Variants in ATP11A observed in about 807,000 individuals in gnomAD.
ATP11A encodes ATPase phospholipid transporting 11A.
ATP11A carries 81 observed loss-of-function variants against 154.4 expected under a neutral mutation model. That is an observed-to-expected ratio of 0.52 (90% CI 0.44 to 0.63). ATP11A has a LOEUF of 0.63. ATP11A is among the 30% of genes least tolerant of loss of function. The probability of loss-of-function intolerance (pLI) is 0.00; values close to 1 mark genes in which losing one functional copy is unlikely to be tolerated. For missense variants in ATP11A, 1,316 were observed against 1,474.3 expected, an observed-to-expected ratio of 0.89 and a Z score of 1.76; for synonymous variants, 623 against 585.9, an observed-to-expected ratio of 1.06 and a Z score of -0.91.
At chr13:112,871,254 T>G (rs1378823313) in intron 25 of ATP11A, among the ~76,000 whole-genome samples, 2 of 152,260 alleles carry the variant, frequency 1.3e-5, no homozygotes, top group Non-Finnish European at 2.9e-5. Flanking sequence ...TGTGAGTTTG[T>G]TCCTGAAACC....
intron 1 of ATP11A, among the ~76,000 whole-genome samples, chr13:112,747,844 AAAAC>A (rs1240622922): frequency 2.1e-5 from 3 of 145,592 alleles, no homozygotes; most frequent in Non-Finnish European, 3.1e-5. Context: ...TCTCAAAAAA[AAAAC>A]AAAACAAAAC....
intron 25 of ATP11A, among the ~76,000 whole-genome samples, chr13:112,869,589 G>A (rs2080447345): frequency 2.0e-5 from 3 of 152,208 alleles, no homozygotes; most frequent in African/African-American, 7.2e-5. Context: ...TTCTGTGTTG[G>A]GATGGCCAAG....
intron 12 of ATP11A, among the ~76,000 whole-genome samples, chr13:112,828,833 A>G (rs2079016408): frequency 6.6e-6 from 1 of 152,184 alleles, no homozygotes; most frequent in Admixed American, 6.5e-5. Flanking sequence ...GGTTCATCTG[A>G]CCGCAGCTCT....
chr13:112,823,402 A>G lies in ATP11A; in HGVS notation c.783A>G (p.Lys261=), dbSNP rs778153151. Residue 261 remains lysine, a synonymous_variant, in exon 9 of 30, where the codon AAA becomes AAG. Transcript: ENST00000375645. Reference sequence around the variant, plus strand: ...GAGCTACACTGAAGAACACTGAGAAAATCTTTGGTAAATATTTAATTAATT... The same window carrying G: ...GAGCTACACTGAAGAACACTGAGAAGATCTTTGGTAAATATTTAATTAATT... ...LRGATLKNTE[K]IFGVAIYTGM... is the part of the protein sequence containing the mutation. 6.2e-7 allele frequency: 1 copy of G among 1,610,924 alleles called. No homozygotes were observed. Among genetic ancestry groups the G allele is most frequent in the African/African-American group, 1.3e-5 (1 of 74,946 alleles).
At chr13:112,756,981 C>T (rs536784442) in intron 1 of ATP11A, among the ~76,000 whole-genome samples, 2 of 152,364 alleles carry the variant, frequency 1.3e-5, no homozygotes, top group South Asian at 4.1e-4. Flanking sequence ...ACATCGTTTA[C>T]AAAATGATCA....
intron 1 of ATP11A, among the ~76,000 whole-genome samples, chr13:112,774,305 T>TA (rs1449992290): frequency 2.6e-5 from 4 of 152,202 alleles, no homozygotes; most frequent in African/African-American, 9.7e-5. Context: ...AAGCCAGGTG[T>TA]CTTACATCAA....
In ATP11A at chr13:112,860,428, A is replaced by T. The variant is rs754294456; in HGVS notation, c.2855+14A>T. On this transcript the variant is annotated intron_variant, in intron 24 of 29. Coordinates refer to ENST00000375645, the MANE Select transcript of ATP11A (RefSeq NM_015205.3). ...GACCCTGTACAGGTACCATCCTCCA[A>T]ACAGCCTCTCCTGAGAGCAGAGAGA... is the stretch of plus-strand genomic sequence containing the variant. 5 of 1,613,564 alleles carry T rather than the reference A, an allele frequency of 3.1e-6. No homozygotes were observed. The Admixed American group carries it at 6.7e-5, about 22-fold the overall frequency.
intron 13 of ATP11A, among the ~76,000 whole-genome samples, chr13:112,831,923 GCA>G (rs1290488796): frequency 3.0e-4 from 44 of 144,736 alleles, no homozygotes; most frequent in South Asian, 2.2e-4. Context: ...GACACTGTGT[GCA>G]CACACAGACA....
intron 1 of ATP11A, among the ~76,000 whole-genome samples, chr13:112,752,769 C>G (rs1184012208): frequency 1.3e-5 from 2 of 152,174 alleles, no homozygotes; most frequent in Non-Finnish European, 2.9e-5. Flanking sequence ...CCGCCGATAA[C>G]CACAGTGTCC....
chr13:112,791,656 G>C (rs968870653), intron 2 of ATP11A, among the ~76,000 whole-genome samples: 1 of 152,076 alleles, frequency 6.6e-6, no homozygotes, highest in Non-Finnish European at 1.5e-5. Context: ...TGTCCGTTTC[G>C]AACGTCACTG....
chr13:112,851,032 T>C lies in ATP11A; in HGVS notation c.1810-5T>C, dbSNP rs1319006133. On this transcript the variant is annotated splice_region_variant and splice_polypyrimidine_tract_variant and intron_variant, in intron 17 of 29. Coordinates refer to ENST00000375645, the MANE Select transcript of ATP11A (RefSeq NM_015205.3). The stretch of plus-strand genomic sequence containing the variant: ...TCGTGCTAAACGCTGCATTGTGTTC[T>C]GCAGGAGGGGCTCCGAACTTTGTGT... The C allele has an allele frequency of 6.2e-7, 1 of 1,613,078 alleles. No individual in the cohort carries two copies. The highest frequency in any genetic ancestry group is 2.2e-5 in the East Asian group (1 of 44,866).
Position 112,746,729 on chromosome 13 carries a change from AAAAAG to A in ATP11A, c.40-38404_40-38400del. On this transcript the variant is annotated intron_variant, in intron 1 of 29. Coordinates refer to ENST00000375645, the MANE Select transcript of ATP11A (RefSeq NM_015205.3). This position sits in a 1 kb window ranked among gnomAD's most constrained non-coding sequence, Gnocchi z 4.1. ...CCTGGCTAATTAAAAAAAAAAAAAA[AAAAAG>A]ACAACTTTTTTTGGAGAGGGAGGGT... 6.6e-6 allele frequency: 1 copy of A among 151,614 alleles called. No homozygotes were observed. The highest frequency in any genetic ancestry group is 2.4e-5 in the African/African-American group (1 of 41,260). The allele number at this position is 151,614 out of a possible 1,614,324, so 9.4% of individuals were successfully genotyped here. A position where few individuals can be genotyped will look rare whatever the true frequency, so the allele number is the denominator to read the frequency against.
intron 1 of ATP11A, among the ~76,000 whole-genome samples, chr13:112,755,755 G>T (rs2076809706): frequency 6.6e-6 from 1 of 150,828 alleles, no homozygotes; most frequent in Admixed American, 6.6e-5. Flanking sequence ...GCGGCACTCA[G>T]AGCGGCTCCC....
intron 1 of ATP11A, among the ~76,000 whole-genome samples, chr13:112,709,059 G>T (rs1376236775): frequency 1.3e-5 from 2 of 152,140 alleles, no homozygotes; most frequent in African/African-American, 2.4e-5. Flanking sequence ...CTGGGAGGGG[G>T]AATTGGGTGT....
At chr13:112,722,185 G>T (rs1462198552) in intron 1 of ATP11A, among the ~76,000 whole-genome samples, 2 of 150,190 alleles carry the variant, frequency 1.3e-5, no homozygotes, top group East Asian at 2.0e-4. Flanking sequence ...GCACAGCTTG[G>T]TTTTATACAT....
intron 1 of ATP11A, among the ~76,000 whole-genome samples, chr13:112,722,499 G>C (rs902567229): frequency 9.9e-5 from 15 of 152,144 alleles, no homozygotes; most frequent in South Asian, 6.2e-4. Context: ...GTTTCTCAGT[G>C]GACTTCAGGT....
At position 112,696,668 on chromosome 13, in the gene ATP11A, TGTGCCTACC is replaced by T. The variant is rs1885850302; in HGVS notation, c.39+6215_39+6223del. Reference sequence around the variant, plus strand: ...CCGTCCTTCCTTCTCCTGTCTCTTCTGTGCCTACCGCGGGGGGTTCCCTTACCAAGGTCT... The same window carrying T: ...CCGTCCTTCCTTCTCCTGTCTCTTCTGCGGGGGGTTCCCTTACCAAGGTCT... On this transcript the variant is annotated intron_variant, in intron 1 of 29. Coordinates refer to ENST00000375645, the MANE Select transcript of ATP11A (RefSeq NM_015205.3). The surrounding 1 kb of genome is among the most constrained non-coding windows in gnomAD (Gnocchi z 6.2). 6.6e-6 allele frequency among the ~76,000 whole-genome samples: 1 copy of T among 152,104 alleles called. No individual in the cohort carries two copies. The highest frequency in any genetic ancestry group is 2.4e-5 in the African/African-American group (1 of 41,402).
At chr13:112,782,657 C>T (rs901048496) in intron 1 of ATP11A, among the ~76,000 whole-genome samples, 13 of 152,192 alleles carry the variant, frequency 8.5e-5, no homozygotes, top group African/African-American at 2.7e-4. Flanking sequence ...GGAAGGCCCC[C>T]GTCAGGCAGG....
chr13:112,713,940 C>T (rs1194374551), intron 1 of ATP11A, among the ~76,000 whole-genome samples: 1 of 143,368 alleles, frequency 7.0e-6, no homozygotes, highest in Non-Finnish European at 1.5e-5. Flanking sequence ...TTCCATTCTT[C>T]CCACCCCAGA....
Sources: gnomAD v4.1 joint callset for allele counts (sites outside exome capture counted in the v4.1 genomes callset) on GRCh38, gnomAD v4.1.1 for gene constraint, Gnocchi (gnomAD v3.1) non-coding constraint, MANE v1.5 for transcripts, NCBI Gene and HGNC (gene_info 2026-07-23, HGNC 2026-07-21) for gene names.